Variants in WDR7 observed in about 807,000 individuals in gnomAD.
WDR7 encodes the protein WD repeat-containing protein 7.
Under a neutral mutation model 169.4 loss-of-function variants are expected in WDR7, and 46 were observed. That is an observed-to-expected ratio of 0.27 (90% CI 0.21 to 0.35). WDR7 has a LOEUF of 0.35. Ranked by LOEUF, WDR7 falls within the 10% of genes least tolerant of loss-of-function variation. WDR7 has a pLI of 1.00. For synonymous variants in WDR7, 612 were observed against 666.8 expected (o/e 0.92, Z 1.27); for missense variants, 1,534 against 1,859.3 (o/e 0.83, Z 3.22).
intron 20 of WDR7, among the ~76,000 whole-genome samples, chr18:56,818,913 A>T (rs918587737): frequency 6.6e-6 from 1 of 152,216 alleles, no homozygotes; most frequent in African/African-American, 2.4e-5. Context: ...TAATTATATC[A>T]TGACAGGTAT....
At chr18:56,791,217 A>G (rs530769363) in intron 19 of WDR7, among the ~76,000 whole-genome samples, 1 of 152,172 alleles carries the variant, frequency 6.6e-6, no homozygotes, top group African/African-American at 2.4e-5. Flanking sequence ...TTAACATTTG[A>G]AATATGGTCT....
At chr18:56,758,764 C>A in intron 15 of WDR7, 101 bp from the exon 16 acceptor site, 1 of 831,536 alleles carries the variant, frequency 1.2e-6, no homozygotes. Flanking sequence ...ATATATGTTT[C>A]TTTTGTGATT....
intron 6 of WDR7, 39 bp downstream of exon 6, chr18:56,686,071 T>C (rs769425262): frequency 6.5e-7 from 1 of 1,542,368 alleles, no homozygotes; most frequent in Non-Finnish European, 8.7e-7. Context: ...TCTGTTTTTA[T>C]TCTCTGTAGC....
chr18:56,801,002 C>T (rs778400746), intron 19 of WDR7, among the ~76,000 whole-genome samples: 9 of 152,084 alleles, frequency 5.9e-5, no homozygotes, highest in Non-Finnish European at 1.3e-4. Context: ...GCCCATGTAT[C>T]CCCCACATAT....
At chr18:56,971,342 A>G (rs2145801774) in intron 26 of WDR7, among the ~76,000 whole-genome samples, 2 of 150,670 alleles carry the variant, frequency 1.3e-5, no homozygotes, top group Middle Eastern at 7.1e-3. Flanking sequence ...TGTATTTGTC[A>G]TCTTAGACAA....
intron 19 of WDR7, among the ~76,000 whole-genome samples, chr18:56,798,719 G>T (rs1203040411): frequency 6.6e-6 from 1 of 151,910 alleles, no homozygotes; most frequent in Non-Finnish European, 1.5e-5. Flanking sequence ...TTTAGTATTT[G>T]CTATTGCTTT....
At chr18:56,886,130 C>T (rs1294718833) in intron 21 of WDR7, among the ~76,000 whole-genome samples, 2 of 152,120 alleles carry the variant, frequency 1.3e-5, no homozygotes, top group African/African-American at 4.8e-5. Context: ...AAGCTCAACA[C>T]CTGAGAAATT....
chr18:56,691,688 T>G, intron 8 of WDR7, 27 bp from the exon 9 acceptor site: 1 of 1,577,162 alleles, frequency 6.3e-7, no homozygotes, highest in South Asian at 1.2e-5. Flanking sequence ...GTATTTTAAT[T>G]GAATATTGTA....
chr18:56,937,376 A>G (rs764878030), intron 23 of WDR7, among the ~76,000 whole-genome samples: 4 of 149,682 alleles, frequency 2.7e-5, no homozygotes, highest in Non-Finnish European at 5.9e-5. Context: ...TAAATATTAT[A>G]TAATAAAAAA....
intron 16 of WDR7, among the ~76,000 whole-genome samples, chr18:56,764,433 C>A (rs1042032283): frequency 2.6e-5 from 4 of 151,996 alleles, no homozygotes; most frequent in Non-Finnish European, 5.9e-5. Flanking sequence ...AATAACATTG[C>A]GTACATTTAT....
intron 26 of WDR7, among the ~76,000 whole-genome samples, chr18:56,984,000 T>G (rs1392561791): frequency 6.6e-6 from 1 of 152,146 alleles, no homozygotes; most frequent in South Asian, 2.1e-4. Context: ...TTGAGGAATG[T>G]TTACAGTTAT....
At chr18:57,012,272 A>G (rs993555515) in intron 26 of WDR7, among the ~76,000 whole-genome samples, 1 of 152,138 alleles carries the variant, frequency 6.6e-6, no homozygotes, top group African/African-American at 2.4e-5. Context: ...CCCTGGGAAA[A>G]TGGGCTTCCT....
At chr18:56,814,387 T>A (rs1269271728) in intron 19 of WDR7, among the ~76,000 whole-genome samples, 2 of 152,230 alleles carry the variant, frequency 1.3e-5, no homozygotes, top group African/African-American at 4.8e-5. Flanking sequence ...TATATTGATT[T>A]AATATGAAAT....
chr18:56,953,871 CTAAT>C (rs2047215262), intron 25 of WDR7, among the ~76,000 whole-genome samples: 1 of 152,186 alleles, frequency 6.6e-6, no homozygotes, highest in African/African-American at 2.4e-5. Context: ...GAACGAAATA[CTAAT>C]TAAACACTAT....
At chr18:56,857,849 G>A (rs1005012356) in intron 20 of WDR7, among the ~76,000 whole-genome samples, 1 of 152,126 alleles carries the variant, frequency 6.6e-6, no homozygotes, top group Non-Finnish European at 1.5e-5. Flanking sequence ...AAAACGCTGT[G>A]TAGAGGTTTG....
intron 7 of WDR7, among the ~76,000 whole-genome samples, chr18:56,690,651 C>A (rs192831540): frequency 6.6e-6 from 1 of 151,784 alleles, no homozygotes; most frequent in East Asian, 1.9e-4. Context: ...CCTGTCTCTA[C>A]AAGAAATAAG....
In WDR7 at chr18:56,883,362, A is replaced by G. The variant is rs553729004; in HGVS notation, c.3526+3197A>G. 1.4e-4 allele frequency among the ~76,000 whole-genome samples: 21 copies of G among 152,142 alleles called. 1 individual carries two copies. The South Asian group carries it at 4.1e-3, about 30-fold the overall frequency. On this transcript the variant is annotated intron_variant, in intron 21 of 27. Transcript: ENST00000254442. ...TACTGTTGTCATCACTTTTCTAATC[A>G]CAGTTTATCTTTACACAAAATTGTG...
At chr18:56,998,326 A>G (rs2047928145) in intron 26 of WDR7, among the ~76,000 whole-genome samples, 1 of 152,194 alleles carries the variant, frequency 6.6e-6, no homozygotes, top group Admixed American at 6.5e-5. Flanking sequence ...AACTGCTGCC[A>G]TCTCTCTGCA....
chr18:56,973,760 G>T (rs889976900), intron 26 of WDR7, among the ~76,000 whole-genome samples: 1 of 152,176 alleles, frequency 6.6e-6, no homozygotes, highest in Admixed American at 6.5e-5. Context: ...TTCAAGGGTT[G>T]TGTCAAGATT....
Sources: allele counts gnomAD v4.1 joint callset (sites outside exome capture counted in the v4.1 genomes callset), GRCh38; gene constraint gnomAD v4.1.1; transcripts MANE v1.5; gene names NCBI Gene and HGNC (gene_info 2026-07-23, HGNC 2026-07-21).